The following MGAT4C variants were observed in gnomAD, a reference collection of about 807,000 sequenced individuals.
MGAT4C encodes alpha-1,3-mannosyl-glycoprotein 4-beta-N-acetylglucosaminyltransferase C.
In MGAT4C, 19 loss-of-function variants were observed where a neutral mutation model predicts 40.1. That is an observed-to-expected ratio of 0.47 (90% CI 0.33 to 0.70). MGAT4C has a LOEUF of 0.70. Among genes scored for constraint, MGAT4C ranks in the 30% least tolerant of loss-of-function variants. The probability of loss-of-function intolerance (pLI) is 0.02; values close to 1 mark genes in which losing one functional copy is unlikely to be tolerated. For synonymous variants in MGAT4C, 181 were observed against 187.1 expected (o/e 0.97, Z 0.27); for missense variants, 491 against 563.2 (o/e 0.87, Z 1.30).
At chr12:86,057,747 G>A (rs1239997798) in intron 1 of MGAT4C, among the ~76,000 whole-genome samples, 1 of 152,080 alleles carries the variant, frequency 6.6e-6, no homozygotes, top group Non-Finnish European at 1.5e-5. Flanking sequence ...TTTGTGTTTG[G>A]AATACAGTAG....
chr12:86,718,224 G>T (rs1000448217), intron 2 of MGAT4C, among the ~76,000 whole-genome samples: 1 of 152,114 alleles, frequency 6.6e-6, no homozygotes, highest in South Asian at 2.1e-4. Flanking sequence ...CTGACCCATT[G>T]TTTATGTTTT....
At chr12:86,676,263 T>G (rs1964396940) in intron 2 of MGAT4C, among the ~76,000 whole-genome samples, 1 of 152,086 alleles carries the variant, frequency 6.6e-6, no homozygotes, top group African/African-American at 2.4e-5. Context: ...TTTAGGGAAA[T>G]TTCAAGTACG....
chr12:86,145,395 A>C (rs1410999457), intron 1 of MGAT4C, among the ~76,000 whole-genome samples: 6 of 152,190 alleles, frequency 3.9e-5, no homozygotes, highest in Admixed American at 3.9e-4. Flanking sequence ...GCCCTTGTGC[A>C]AGAAAAATAA....
intron 3 of MGAT4C, among the ~76,000 whole-genome samples, chr12:86,366,503 AGTG>A (rs1415822410): frequency 6.6e-6 from 1 of 152,194 alleles, no homozygotes; most frequent in Non-Finnish European, 1.5e-5. Flanking sequence ...CTCAGTTGTA[AGTG>A]GGAGCTAAAC....
chr12:86,768,144 A>C (rs1185192176), intron 1 of MGAT4C, among the ~76,000 whole-genome samples: 1 of 152,186 alleles, frequency 6.6e-6, no homozygotes, highest in Non-Finnish European at 1.5e-5. Flanking sequence ...AAATCTCCTT[A>C]AGCTGATAAG....
At chr12:86,270,734 G>T (rs1952924920) in intron 4 of MGAT4C, among the ~76,000 whole-genome samples, 2 of 152,070 alleles carry the variant, frequency 1.3e-5, no homozygotes, top group Admixed American at 6.6e-5. Flanking sequence ...GAGCTGAAAG[G>T]ACAAAGCTGA....
At chr12:86,142,434 T>G (rs1032914521) in intron 1 of MGAT4C, among the ~76,000 whole-genome samples, 5 of 152,194 alleles carry the variant, frequency 3.3e-5, no homozygotes, top group African/African-American at 1.2e-4. Context: ...GGTTGCTCAT[T>G]TTCCTGTCAA....
intron 2 of MGAT4C, among the ~76,000 whole-genome samples, chr12:86,549,900 A>G (rs1453129988): frequency 6.6e-6 from 1 of 152,164 alleles, no homozygotes; most frequent in East Asian, 1.9e-4. Flanking sequence ...TTGTGGGGAA[A>G]GAGAAGCAGA....
intron 1 of MGAT4C, among the ~76,000 whole-genome samples, chr12:86,225,582 A>T (rs1457566513): frequency 1.3e-5 from 2 of 152,134 alleles, no homozygotes; most frequent in African/African-American, 4.8e-5. Context: ...CAGCACATGA[A>T]AAAGACAATG....
At chr12:86,212,589 G>T (rs1454735153) in intron 1 of MGAT4C, among the ~76,000 whole-genome samples, 1 of 151,850 alleles carries the variant, frequency 6.6e-6, no homozygotes, top group African/African-American at 2.4e-5. Context: ...GAAAAACAAA[G>T]GTATAAAGAA....
Position 85,979,853 on chromosome 12 carries a change from A to G in MGAT4C, c.873T>C (p.His291=). The change falls in exon 5 of 5, where the codon CAT becomes CAC. Residue 291 remains histidine (H), a synonymous_variant. Transcript: ENST00000611864. The part of the protein sequence containing the change: ...QEMPCDWLLT[H]FRGLLAQKNV... ...TTTTCTGAGCCAACAGACCACGGAA[A>G]TGAGTCAATAGCCAATCACAAGGCA... 6.2e-7 allele frequency: 1 copy of G among 1,613,814 alleles called. No individual in the cohort carries two copies. The highest frequency in any genetic ancestry group is 2.2e-5 in the East Asian group (1 of 44,862).
At chr12:86,564,286 C>A (rs1292706584) in intron 2 of MGAT4C, among the ~76,000 whole-genome samples, 1 of 151,950 alleles carries the variant, frequency 6.6e-6, no homozygotes, top group East Asian at 1.9e-4. Context: ...ATTGATTTGG[C>A]AAATCCCTTT....
chr12:86,345,124 T>C (rs1046241356), intron 3 of MGAT4C, among the ~76,000 whole-genome samples: 6 of 152,228 alleles, frequency 3.9e-5, no homozygotes, highest in African/African-American at 1.4e-4. Flanking sequence ...TAATGTAATA[T>C]ACTTCAGTTT....
intron 4 of MGAT4C, among the ~76,000 whole-genome samples, chr12:86,295,522 G>A (rs1450327795): frequency 6.6e-6 from 1 of 152,126 alleles, no homozygotes; most frequent in African/African-American, 2.4e-5. Context: ...CAAAGAGTGA[G>A]CAGTAGCAAG....
At chr12:86,131,914 A>C (rs1314405866) in intron 1 of MGAT4C, among the ~76,000 whole-genome samples, 1 of 152,172 alleles carries the variant, frequency 6.6e-6, no homozygotes, top group Non-Finnish European at 1.5e-5. Context: ...CATTTAATTC[A>C]ATTGTAAGAA....
chr12:86,834,477 G>A (rs189821754), intron 1 of MGAT4C, among the ~76,000 whole-genome samples: 2 of 151,720 alleles, frequency 1.3e-5, no homozygotes, highest in African/African-American at 4.8e-5. Flanking sequence ...GTGATGTTAT[G>A]ACAGAAACAA....
At chr12:86,398,728 A>G (rs2136234389) in intron 3 of MGAT4C, among the ~76,000 whole-genome samples, 1 of 151,924 alleles carries the variant, frequency 6.6e-6, no homozygotes, top group South Asian at 2.1e-4. Flanking sequence ...AGGCCTTAGA[A>G]ACTAAAAATA....
intron 1 of MGAT4C, among the ~76,000 whole-genome samples, chr12:86,090,529 T>C (rs1565967356): frequency 6.6e-6 from 1 of 151,838 alleles, no homozygotes; most frequent in Non-Finnish European, 1.5e-5. Context: ...AATGTTGCAG[T>C]ACTTTTCTCT....
chr12:86,535,995 T>C (rs1327435608), intron 2 of MGAT4C, among the ~76,000 whole-genome samples: 1 of 152,120 alleles, frequency 6.6e-6, no homozygotes, highest in Non-Finnish European at 1.5e-5. Flanking sequence ...TAATTAAATG[T>C]AATTCATTTG....
Sources: allele counts gnomAD v4.1 joint callset (sites outside exome capture counted in the v4.1 genomes callset), GRCh38; gene constraint gnomAD v4.1.1; transcripts MANE v1.5; gene names NCBI Gene and HGNC (gene_info 2026-07-23, HGNC 2026-07-21).